The following PFKL variants were observed in gnomAD, a reference collection of about 807,000 sequenced individuals.
The protein encoded by PFKL is ATP-dependent 6-phosphofructokinase, liver type.
Under a neutral mutation model 92.1 loss-of-function variants are expected in PFKL, and 74 were observed. The ratio of observed to expected loss-of-function variants is 0.80; its 90% CI spans 0.67 to 0.97. The LOEUF is 0.97. Ranked by LOEUF, PFKL falls within the 50% of genes least tolerant of loss-of-function variation. The pLI, the probability that PFKL is intolerant of heterozygous loss-of-function variation, is 0.00. For synonymous variants in PFKL, 494 were observed against 456.4 expected (o/e 1.08, Z -1.05); for missense variants, 1,028 against 1,116.6 (o/e 0.92, Z 1.13).
chr21:44,313,770 G>C, intron 6 of PFKL, 88 bp downstream of exon 6: 1 of 1,418,246 alleles, frequency 7.1e-7, no homozygotes, highest in Non-Finnish European at 9.7e-7. Flanking sequence ...CTAGGGCTCA[G>C]TTAATGCCAT....
chr21:44,300,151 A>G lies in PFKL; in HGVS notation c.46A>G (p.Lys16Glu). The change falls in exon 1 of 22, where the codon AAG becomes GAG. Residue 16 changes from lysine to glutamate, a missense_variant. Physicochemically the swap from Lys to Glu is moderately conservative, Grantham distance 56. Transcript: ENST00000349048. ...GAAGCTGCGGGCGTCGGGCGCGGGC[A>G]AGGCCATCGGCGTCCTGACCAGCGG... ...LEKLRASGAG[K>E]AIGVLTSGGD... 1 of 1,194,568 alleles carries G rather than the reference A, an allele frequency of 8.4e-7. No homozygotes were observed. Among genetic ancestry groups the G allele is most frequent in the Non-Finnish European group, 1.1e-6 (1 of 948,442 alleles). The allele number at this position is 1,194,568 out of a possible 1,614,324, so 74.0% of individuals were successfully genotyped here.
Position 44,319,397 on chromosome 21 carries a change from C to T in PFKL, c.1109C>T (p.Ala370Val). The change falls in exon 11 of 22, where the codon GCC (alanine) becomes GTC (valine). Residue 370 changes from alanine to valine, a missense_variant. Transcript: ENST00000349048. ...KAMDDKRFDEATQLRGGSFEN... is the reference protein window; with the variant it reads ...KAMDDKRFDEVTQLRGGSFEN... ...ATGGATGACAAGAGGTTTGACGAGG[C>T]CACCCAGCTCCGTGGTGGGTAAGCC... is the stretch of plus-strand genomic sequence containing the variant. 1 of 1,613,586 alleles carries T rather than the reference C, an allele frequency of 6.2e-7. No individual in the cohort carries two copies. The highest frequency in any genetic ancestry group is 8.5e-7 in the Non-Finnish European group (1 of 1,179,798).
intron 20 of PFKL, 30 bp from the exon 21 acceptor site, chr21:44,326,129 T>TG: frequency 6.2e-7 from 1 of 1,608,106 alleles, no homozygotes; most frequent in East Asian, 2.2e-5. Context: ...GGCCTCACCA[T>TG]GGAGGGCTGC....
intron 5 of PFKL, 95 bp from the exon 6 acceptor site, chr21:44,313,543 C>T: frequency 8.2e-7 from 1 of 1,212,928 alleles, no homozygotes; most frequent in Non-Finnish European, 1.2e-6. Context: ...CTGCCTGCCT[C>T]TCCATCCACT....
Position 44,304,406 on chromosome 21 carries a change from G to T in PFKL, c.86-2275G>T. The stretch of plus-strand genomic sequence containing the variant: ...CCTGTGGTTGGACGGTGGCCTGGGT[G>T]CGCTGCTCCTGCCCTCTCCTTGCCC... On this transcript the variant is annotated intron_variant, in intron 1 of 21. Coordinates refer to ENST00000349048, the MANE Select transcript of PFKL (RefSeq NM_002626.6). 2.4e-6 allele frequency: 3 copies of T among 1,256,360 alleles called. No homozygotes were observed. In the South Asian group the frequency reaches 3.9e-5, roughly 16 times the overall value. The allele number at this position is 1,256,360 out of a possible 1,614,324, so 77.8% of individuals were successfully genotyped here.
Position 44,311,045 on chromosome 21 carries a change from C to T in PFKL, c.199C>T (p.Gln67Ter), listed in dbSNP as rs764035241. Residue 67 changes from glutamine (Q) to a stop codon, truncating the protein, a stop_gained, in exon 3 of 22, where the codon CAG becomes TAG. Coordinates refer to ENST00000349048, the MANE Select transcript of PFKL (RefSeq NM_002626.6). LOFTEE classifies it high-confidence loss of function. ...CGTGGAGGGAGGTGAGAACATCAAG[C>T]AGGCCAACTGGCTGAGCGTCTCCAA... Reference protein sequence around the residue: ...GLVEGGENIKQANWLSVSNII... With the variant: ...GLVEGGENIK 10 of 1,613,032 alleles carry T rather than the reference C, an allele frequency of 6.2e-6. No homozygotes were observed. Among genetic ancestry groups the T allele is most frequent in the African/African-American group, 1.3e-5 (1 of 74,878 alleles).
Position 44,312,269 on chromosome 21 carries a change from C to T in PFKL, c.402C>T (p.Ser134=). The T allele has an allele frequency of 6.3e-7, 1 of 1,595,124 alleles. No homozygotes were observed. The highest frequency in any genetic ancestry group is 8.5e-7 in the Non-Finnish European group (1 of 1,172,468). Residue 134 remains serine (S), a synonymous_variant, in exon 4 of 22, where the codon AGC becomes AGT. Coordinates refer to ENST00000349048, the MANE Select transcript of PFKL (RefSeq NM_002626.6). ...ACATCTTCCGCAGCGAGTGGGGCAG[C>T]CTGCTGGAGGAGCTGGTGGCGGAAG... is the stretch of plus-strand genomic sequence containing the variant. ...GANIFRSEWG[S]LLEELVAEGK...
chr21:44,326,507 C>T (rs2047515460), intron 21 of PFKL, among the ~76,000 whole-genome samples: 2 of 152,266 alleles, frequency 1.3e-5, no homozygotes, highest in South Asian at 2.1e-4. Flanking sequence ...GGAGTGGGCA[C>T]GCTTGAGGGC....
chr21:44,326,260 T>C lies in PFKL; in HGVS notation c.2191T>C (p.Phe731Leu). The change falls in exon 21 of 22, where the codon TTC becomes CTC. Residue 731 changes from phenylalanine to leucine, a missense_variant. Coordinates refer to ENST00000349048, the MANE Select transcript of PFKL (RefSeq NM_002626.6). Reference sequence around the variant, plus strand: ...CACTGAGCTCAAGAAAGACACTGATTTCGAGTGAGTTCCACCAAAGCCTCG... The same window carrying C: ...CACTGAGCTCAAGAAAGACACTGATCTCGAGTGAGTTCCACCAAAGCCTCG... ...PVTELKKDTD[F>L]EHRMPREQWW... is the part of the protein sequence containing the mutation. 1 of 1,605,302 alleles carries C rather than the reference T, an allele frequency of 6.2e-7. No individual in the cohort carries two copies. The highest frequency in any genetic ancestry group is 2.2e-5 in the East Asian group (1 of 44,704).
rs1285748920 is a variant in PFKL at position 44,322,981 on chromosome 21, C to T, written c.1429C>T (p.Leu477=). The T allele has an allele frequency of 6.2e-7, 1 of 1,612,396 alleles. No individual in the cohort carries two copies. Among genetic ancestry groups the T allele is most frequent in the Admixed American group, 1.7e-5 (1 of 59,978 alleles). ...GTKRTLPKGQ[L]ESIVENIRIY... ...CTGCAGGACCCTGCCCAAGGGCCAG[C>T]TGGAGTCCATTGTGGAGAACATCCG... is the stretch of plus-strand genomic sequence containing the variant. The change falls in exon 15 of 22, where the codon CTG becomes TTG. Residue 477 remains leucine, a synonymous_variant. Transcript: ENST00000349048.
At chr21:44,316,394 G>T (rs951882756) in intron 8 of PFKL, 38 bp from the exon 9 acceptor site, 7 of 1,611,912 alleles carry the variant, frequency 4.3e-6, no homozygotes, top group Non-Finnish European at 5.9e-6. Flanking sequence ...GGCCGTGTGG[G>T]CTGGGGCTCA....
At chr21:44,318,921 C>T (rs989591412) in intron 10 of PFKL, among the ~76,000 whole-genome samples, 1 of 152,006 alleles carries the variant, frequency 6.6e-6, no homozygotes, top group Non-Finnish European at 1.5e-5. Context: ...GAGGAGGGGC[C>T]AGTGATCAGA....
chr21:44,321,999 A>T, intron 13 of PFKL, 124 bp downstream of exon 13: 1 of 1,438,596 alleles, frequency 7.0e-7, no homozygotes, highest in Non-Finnish European at 9.4e-7. Flanking sequence ...GTCGGTGCCC[A>T]CCCGGGCCTG....
intron 1 of PFKL, chr21:44,305,501 C>G (rs750869192): frequency 1.7e-6 from 2 of 1,193,814 alleles, no homozygotes; most frequent in Admixed American, 4.6e-5. Context: ...ACAGAGGACC[C>G]GCATGGCTTA....
chr21:44,324,964 G>A (rs772323846), intron 18 of PFKL, 47 bp downstream of exon 18: 44 of 1,538,216 alleles, frequency 2.9e-5, no homozygotes, highest in Admixed American at 9.4e-5. Context: ...TCCAACTCTC[G>A]GGGCTGGGGT....
Position 44,323,007 on chromosome 21 carries a change from C to T in PFKL, c.1455C>T (p.Arg485=). The change falls in exon 15 of 22, where the codon CGC becomes CGT. Residue 485 remains arginine, a synonymous_variant. Transcript: ENST00000349048. The part of the protein sequence containing the change: ...GQLESIVENI[R]IYGIHALLVV... ...TGGAGTCCATTGTGGAGAACATCCG[C>T]ATCTATGGTATTCACGCCCTGCTGG... 3 of 1,613,280 alleles carry T rather than the reference C, an allele frequency of 1.9e-6. No homozygotes were observed. The highest frequency in any genetic ancestry group is 1.3e-5 in the African/African-American group (1 of 75,058).
At chr21:44,320,017 G>A (rs1390977099) in intron 11 of PFKL, 67 bp from the exon 12 acceptor site, 12 of 1,444,822 alleles carry the variant, frequency 8.3e-6, no homozygotes, top group East Asian at 2.3e-5. Context: ...GCTCTGTCAC[G>A]GCTGCGCTGT....
chr21:44,325,308 C>T (rs551787431), intron 19 of PFKL, 44 bp downstream of exon 19: 6 of 1,293,214 alleles, frequency 4.6e-6, no homozygotes, highest in Non-Finnish European at 5.6e-6. Flanking sequence ...CCCCTCTTTC[C>T]TGCCACCATC....
In PFKL at chr21:44,327,201, A is replaced by C; in HGVS notation, c.*339A>C. The C allele has an allele frequency of 1.4e-5, 5 of 353,732 alleles. No homozygotes were observed. The highest frequency in any genetic ancestry group is 2.2e-5 in the Non-Finnish European group (4 of 185,560). The allele number at this position is 353,732 out of a possible 1,614,324, so 21.9% of individuals were successfully genotyped here. On this transcript the variant is annotated 3_prime_UTR_variant, in exon 22 of 22. Transcript: ENST00000349048. ...CGTCTCCCCATGCTGGGCTCACTAC[A>C]TGGGCCAGCCCTTGCTCTACCTGGC...
Sources: gnomAD v4.1 joint callset for allele counts (sites outside exome capture counted in the v4.1 genomes callset) on GRCh38, gnomAD v4.1.1 for gene constraint, MANE v1.5 for transcripts, NCBI Gene and HGNC (gene_info 2026-07-23, HGNC 2026-07-21) for gene names.